The following PXK variants were observed in gnomAD, a reference collection of about 807,000 sequenced individuals.
The protein encoded by PXK is PX domain containing serine/threonine kinase like, also known as PX domain-containing protein kinase-like protein.
PXK carries 35 observed loss-of-function variants against 84.7 expected under a neutral mutation model. The ratio of observed to expected loss-of-function variants is 0.41; its 90% confidence interval spans 0.32 to 0.55. The LOEUF (loss-of-function observed/expected upper bound fraction) is 0.55, where lower values mean the gene tolerates loss of function less well. Among genes scored for constraint, PXK ranks in the 20% least tolerant of loss-of-function variants. PXK has a pLI of 0.21. For missense variants in PXK, 634 were observed against 699.7 expected (o/e 0.91, Z 1.06); for synonymous variants, 253 against 260.8 (o/e 0.97, Z 0.29).
intron 3 of PXK, 41 bp from the exon 4 acceptor site, chr3:58,382,473 G>C (rs1363140015): frequency 2.1e-6 from 3 of 1,436,392 alleles, no homozygotes; most frequent in Non-Finnish European, 2.8e-6. Context: ...ATTCTTATTT[G>C]TGGATGACAT....
intron 17 of PXK, chr3:58,420,863 T>C (rs1489992586): frequency 5.8e-6 from 7 of 1,211,818 alleles, no homozygotes; most frequent in Non-Finnish European, 5.2e-6. Flanking sequence ...TTTTGGTATA[T>C]TTTAATTTTG....
intron 3 of PXK, among the ~76,000 whole-genome samples, chr3:58,378,004 A>G (rs2108682692): frequency 1.3e-5 from 2 of 152,306 alleles, no homozygotes; most frequent in East Asian, 3.9e-4. Context: ...AAGCAGTCAG[A>G]TCCCCAAATC....
At chr3:58,420,308 A>G (rs1427062346) in intron 17 of PXK, among the ~76,000 whole-genome samples, 2 of 152,220 alleles carry the variant, frequency 1.3e-5, no homozygotes, top group African/African-American at 4.8e-5. Context: ...TCAAAAAGCG[A>G]CTCATTGGTT....
intron 4 of PXK, among the ~76,000 whole-genome samples, chr3:58,388,165 C>T (rs1173976476): frequency 2.6e-5 from 4 of 152,182 alleles, no homozygotes; most frequent in African/African-American, 9.7e-5. Flanking sequence ...GACAGTAAAT[C>T]ACAGTTCAGT....
chr3:58,383,847 C>G lies in PXK; in HGVS notation c.388+1147C>G, dbSNP rs1381555707. On this transcript the variant is annotated intron_variant, in intron 4 of 17. Transcript: ENST00000356151. The surrounding 1 kb of genome is among the most constrained non-coding windows in gnomAD (Gnocchi z 4.0). ...ATACACCATATCAGATAATTGAGTC[C>G]TTAAAACATTGCTTTTGAAGTAATT... 6.6e-6 allele frequency among the ~76,000 whole-genome samples: 1 copy of G among 152,158 alleles called. No homozygotes were observed. Among genetic ancestry groups the G allele is most frequent in the Non-Finnish European group, 1.5e-5 (1 of 68,020 alleles).
chr3:58,388,266 T>C (rs956403522), intron 4 of PXK, among the ~76,000 whole-genome samples: 1 of 152,218 alleles, frequency 6.6e-6, no homozygotes. Flanking sequence ...ATCCAGTATG[T>C]TCCATCTGTT....
rs760942328 is a variant in PXK at position 58,390,559 on chromosome 3, G to T, written c.389-23G>T. 1 of 1,597,906 alleles carries T rather than the reference G, an allele frequency of 6.3e-7. No individual in the cohort carries two copies. Among genetic ancestry groups the T allele is most frequent in the East Asian group, 2.2e-5 (1 of 44,706 alleles). ...CCCTTTCCTGATATGTCTGACTAAT[G>T]GGTTTCTAAAATGTCTTTGCAGAGA... On this transcript the variant is annotated intron_variant, in intron 4 of 17. Coordinates refer to ENST00000356151, the MANE Select transcript of PXK (RefSeq NM_017771.5). The surrounding 1 kb of genome is among the most constrained non-coding windows in gnomAD (Gnocchi z 4.2).
intron 16 of PXK, among the ~76,000 whole-genome samples, chr3:58,410,517 C>T (rs1356879094): frequency 6.6e-6 from 1 of 152,172 alleles, no homozygotes; most frequent in Non-Finnish European, 1.5e-5. Flanking sequence ...GACCTTAAAT[C>T]CTGCCCACTG....
At chr3:58,361,936 T>A (rs2098194440) in intron 1 of PXK, among the ~76,000 whole-genome samples, 3 of 152,228 alleles carry the variant, frequency 2.0e-5, no homozygotes, top group Admixed American at 6.5e-5. Context: ...TCTGGAGTAG[T>A]TATACCATTT....
rs745755795 is a variant in PXK at position 58,390,623 on chromosome 3, C to T, written c.430C>T (p.Pro144Ser). ...GGTTTCCATGTTCTTCCGATCAGAACCAAAGTGGGAGGTGGTGGAACCTTT... is the reference window on the plus strand; with the variant it reads ...GGTTTCCATGTTCTTCCGATCAGAATCAAAGTGGGAGGTGGTGGAACCTTT... ...QQVSMFFRSE[P>S]KWEVVEPLKD... Residue 144 changes from proline to serine, a missense_variant, in exon 5 of 18, where the codon CCA (proline) becomes TCA (serine). Pro to Ser is a moderately conservative substitution (Grantham distance 74). Coordinates refer to ENST00000356151, the MANE Select transcript of PXK (RefSeq NM_017771.5). The surrounding 1 kb of genome is among the most constrained non-coding windows in gnomAD (Gnocchi z 4.2). 2.8e-5 allele frequency: 45 copies of T among 1,613,116 alleles called. No individual in the cohort carries two copies. The highest frequency in any genetic ancestry group is 1.0e-4 in the Admixed American group (6 of 59,884).
intron 1 of PXK, among the ~76,000 whole-genome samples, chr3:58,357,964 C>CAAA (rs111921619): frequency 2.3e-3 from 340 of 148,890 alleles, no homozygotes; most frequent in African/African-American, 7.9e-3. Context: ...GACTCTGTCT[C>CAAA]AAAACAAAAA....
At chr3:58,381,456 C>G (rs867243343) in intron 3 of PXK, among the ~76,000 whole-genome samples, 1 of 149,196 alleles carries the variant, frequency 6.7e-6, no homozygotes, top group African/African-American at 2.5e-5. Context: ...GGTTGTTGGA[C>G]TCTGGAAGGT....
At chr3:58,344,450 C>G (rs11717423) in intron 1 of PXK, among the ~76,000 whole-genome samples, 11,080 of 152,238 alleles carry the variant, frequency 0.073, 524 homozygotes, top group South Asian at 0.1. Flanking sequence ...CACGTTTTGA[C>G]AGCCATGCTT....
In PXK at chr3:58,365,907, G is replaced by A; in HGVS notation, c.136G>A (p.Val46Met). ...YIIRVQRGISVENSWQIVRRY... is the reference protein window; with the variant it reads ...YIIRVQRGISMENSWQIVRRY... Reference sequence around the variant, plus strand: ...TATTCGAGTGCAAAGAGGAATTTCTGTGGAAAACAGCTGGCAGGTAAGCAT... The same window carrying A: ...TATTCGAGTGCAAAGAGGAATTTCTATGGAAAACAGCTGGCAGGTAAGCAT... The change falls in exon 2 of 18, where the codon GTG becomes ATG. Residue 46 changes from valine to methionine, a missense_variant. By Grantham distance (21) the Val-to-Met change is conservative. Around this residue, in one of 3 missense-constraint regions of PXK, gnomAD observed 353 missense variants for 385.2 expected, o/e 0.92. Transcript: ENST00000356151. The A allele has an allele frequency of 6.4e-7, 1 of 1,572,008 alleles. No homozygotes were observed. Among genetic ancestry groups the A allele is most frequent in the Non-Finnish European group, 8.6e-7 (1 of 1,163,284 alleles).
chr3:58,365,661 C>G (rs1209244930), intron 1 of PXK, among the ~76,000 whole-genome samples: 1 of 152,192 alleles, frequency 6.6e-6, no homozygotes, highest in Non-Finnish European at 1.5e-5. Context: ...TTTTACAGCT[C>G]TGTTGTTTGA....
At chr3:58,369,746 C>T (rs2098335541) in intron 3 of PXK, among the ~76,000 whole-genome samples, 1 of 151,524 alleles carries the variant, frequency 6.6e-6, no homozygotes, top group African/African-American at 2.4e-5. Flanking sequence ...ATCACTTGAA[C>T]CTGGGAAGCG....
chr3:58,352,936 C>T (rs1001176134), intron 1 of PXK, among the ~76,000 whole-genome samples: 1 of 152,044 alleles, frequency 6.6e-6, no homozygotes, highest in Admixed American at 6.6e-5. Flanking sequence ...GGGATCAAAG[C>T]GTGTTTGCAA....
intron 1 of PXK, among the ~76,000 whole-genome samples, chr3:58,334,943 GTGTGTGTGTGTGTGTC>G (rs1463232348): frequency 5.2e-5 from 7 of 133,456 alleles, no homozygotes; most frequent in South Asian, 2.4e-4. Context: ...GTGTGTGTGT[GTGTGTGTGTGTGTGTC>G]TGTGTGTGTG....
rs1310666429 is a variant in PXK at position 58,424,943 on chromosome 3, G to T, written c.1720G>T (p.Ala574Ser). 1 of 1,613,978 alleles carries T rather than the reference G, an allele frequency of 6.2e-7. No individual in the cohort carries two copies. Among genetic ancestry groups the T allele is most frequent in the South Asian group, 1.1e-5 (1 of 91,090 alleles). ...GAAAGCCAAAACCTGTGATCACAGT[G>T]CTCCGAAGATCGGCTGAAGCTTCCT... is the stretch of plus-strand genomic sequence containing the variant. ...LRKAKTCDHS[A>S]PKIG The change falls in exon 18 of 18, where the codon GCT becomes TCT. Residue 574 changes from alanine (A) to serine (S), a missense_variant. Around this residue, in one of 3 missense-constraint regions of PXK, gnomAD observed 273 missense variants for 283.6 expected, o/e 0.96. Coordinates refer to ENST00000356151, the MANE Select transcript of PXK (RefSeq NM_017771.5).
Sources: gnomAD v4.1 joint callset for allele counts (sites outside exome capture counted in the v4.1 genomes callset) on GRCh38, gnomAD v4.1.1 for gene constraint, gnomAD v4.1.1 regional missense constraint, Gnocchi (gnomAD v3.1) non-coding constraint, MANE v1.5 for transcripts, NCBI Gene and HGNC (gene_info 2026-07-23, HGNC 2026-07-21) for gene names.